The following NEDD4L variants were observed in gnomAD, a reference collection of about 807,000 sequenced individuals.
The protein encoded by NEDD4L is NEDD4 like E3 ubiquitin protein ligase.
In NEDD4L, 54 loss-of-function variants were observed where a neutral mutation model predicts 148.9. That is an observed-to-expected ratio of 0.36 (90% confidence interval 0.29 to 0.45). The LOEUF (loss-of-function observed/expected upper bound fraction) is 0.45, where lower values mean the gene tolerates loss of function less well. NEDD4L is among the 20% of genes least tolerant of loss of function. The probability of loss-of-function intolerance (pLI) is 1.00; values close to 1 mark genes in which losing one functional copy is unlikely to be tolerated. For missense variants in NEDD4L, 856 were observed against 1,233.8 expected (o/e 0.69, Z 4.59); for synonymous variants, 433 against 440.7 (o/e 0.98, Z 0.22).
At chr18:58,281,225 G>T (rs903312867) in intron 5 of NEDD4L, among the ~76,000 whole-genome samples, 1 of 151,866 alleles carries the variant, frequency 6.6e-6, no homozygotes, top group African/African-American at 2.4e-5. Flanking sequence ...CAATCATCCT[G>T]CCCTGGCCTC....
chr18:58,301,548 C>T (rs1385062932), intron 5 of NEDD4L, among the ~76,000 whole-genome samples: 1 of 152,316 alleles, frequency 6.6e-6, no homozygotes, highest in East Asian at 1.9e-4. Context: ...TGCATATCTT[C>T]ATGATTCCTC....
At chr18:58,204,056 G>A (rs2041724398) in intron 2 of NEDD4L, among the ~76,000 whole-genome samples, 1 of 152,200 alleles carries the variant, frequency 6.6e-6, no homozygotes, top group Non-Finnish European at 1.5e-5. Flanking sequence ...GCCGGGCGTG[G>A]TGGCTGACGC....
chr18:58,204,530 T>C (rs1231549363), intron 2 of NEDD4L, among the ~76,000 whole-genome samples: 1 of 152,236 alleles, frequency 6.6e-6, no homozygotes, highest in Non-Finnish European at 1.5e-5. Context: ...TACAGTCTAA[T>C]AGAAACCTTG....
rs2043609097 is a variant in NEDD4L, at chr18:58,349,632, A to T, written c.1653+18A>T. 1 of 1,580,368 alleles carries T rather than the reference A, an allele frequency of 6.3e-7. No individual in the cohort carries two copies. Among genetic ancestry groups the T allele is most frequent in the Non-Finnish European group, 8.7e-7 (1 of 1,149,256 alleles). On this transcript the variant is annotated intron_variant, in intron 17 of 30. Transcript: ENST00000400345. ...CCCTTCCTGTGAGTACACTGGAGAC[A>T]CATGGAATGGTCTGAATATGTGTGT...
chr18:58,331,674 G>A (rs2059799005), intron 11 of NEDD4L, among the ~76,000 whole-genome samples: 2 of 152,124 alleles, frequency 1.3e-5, no homozygotes, highest in South Asian at 4.1e-4. Context: ...TGAAGTCTCA[G>A]TGTTTCTCAA....
chr18:58,253,883 G>T (rs1338682335), intron 5 of NEDD4L, among the ~76,000 whole-genome samples: 1 of 151,982 alleles, frequency 6.6e-6, no homozygotes, highest in East Asian at 1.9e-4. Flanking sequence ...AAGAAATCTT[G>T]TATGAATACA....
intron 1 of NEDD4L, among the ~76,000 whole-genome samples, chr18:58,057,122 A>C (rs374210096): frequency 6.6e-6 from 1 of 151,982 alleles, no homozygotes; most frequent in Non-Finnish European, 1.5e-5. Context: ...CACACCTTGG[A>C]TAATCCATCC....
At chr18:58,374,376 G>A (rs2047269884) in intron 24 of NEDD4L, among the ~76,000 whole-genome samples, 1 of 152,106 alleles carries the variant, frequency 6.6e-6, no homozygotes, top group Admixed American at 6.5e-5. Context: ...AGGACTTCAG[G>A]CACCAGAGGC....
At chr18:58,048,113 C>T (rs982818928) in intron 1 of NEDD4L, among the ~76,000 whole-genome samples, 6 of 152,184 alleles carry the variant, frequency 3.9e-5, no homozygotes, top group African/African-American at 1.4e-4. Flanking sequence ...TTGAATGCCT[C>T]TTCTATACCA....
At chr18:58,310,741 A>G (rs1482669758) in intron 5 of NEDD4L, among the ~76,000 whole-genome samples, 1 of 152,214 alleles carries the variant, frequency 6.6e-6, no homozygotes, top group Non-Finnish European at 1.5e-5. Context: ...TTTTCTCTGT[A>G]ATGCCAAAGC....
intron 5 of NEDD4L, among the ~76,000 whole-genome samples, chr18:58,260,326 T>C (rs1035492570): frequency 1.3e-5 from 2 of 152,228 alleles, no homozygotes; most frequent in African/African-American, 4.8e-5. Flanking sequence ...TAAACCAATA[T>C]ATATCTTCAA....
At chr18:58,327,183 C>G (rs138964800) in intron 9 of NEDD4L, among the ~76,000 whole-genome samples, 49 of 152,244 alleles carry the variant, frequency 3.2e-4, no homozygotes, top group Non-Finnish European at 6.3e-4. Context: ...CTGCAACCTC[C>G]GCCTCCCAGG....
At chr18:58,087,092 T>C (rs2145218789) in intron 1 of NEDD4L, among the ~76,000 whole-genome samples, 1 of 152,350 alleles carries the variant, frequency 6.6e-6, no homozygotes. Context: ...CTTAGGGCCT[T>C]TGGTTTGCCA....
intron 1 of NEDD4L, among the ~76,000 whole-genome samples, chr18:58,103,277 T>C (rs2084879317): frequency 7.0e-6 from 1 of 143,738 alleles, no homozygotes; most frequent in Non-Finnish European, 1.5e-5. Context: ...ATTATAATTA[T>C]ATATAATATA....
rs2059197721 is a variant in NEDD4L, at chr18:58,325,158, C to G, written c.676C>G (p.Leu226Val). 6.2e-7 allele frequency: 1 copy of G among 1,613,736 alleles called. No homozygotes were observed. Among genetic ancestry groups the G allele is most frequent in the African/African-American group, 1.3e-5 (1 of 74,950 alleles). ...NRTTQWHRPS[L>V]MDVSSESDNN... Reference sequence around the variant, plus strand: ...GACCACTCAGTGGCACAGACCAAGCCTGATGTGAGTACCGTGTGATGGTCA... The same window carrying G: ...GACCACTCAGTGGCACAGACCAAGCGTGATGTGAGTACCGTGTGATGGTCA... The change falls in exon 9 of 31, where the codon CTG becomes GTG. Residue 226 changes from leucine to valine, a missense_variant. Coordinates refer to ENST00000400345, the MANE Select transcript of NEDD4L (RefSeq NM_001144967.3).
intron 2 of NEDD4L, 61 bp from the exon 3 acceptor site, chr18:58,245,366 C>A: frequency 1.3e-6 from 1 of 782,958 alleles, no homozygotes; most frequent in Non-Finnish European, 2.1e-6. Context: ...ATTTAGGTTC[C>A]ACTGTTTTCT....
intron 1 of NEDD4L, among the ~76,000 whole-genome samples, chr18:58,126,213 G>A (rs981698915): frequency 2.7e-4 from 41 of 152,216 alleles, no homozygotes; most frequent in African/African-American, 9.9e-4. Flanking sequence ...TCACACACAT[G>A]TGCAGACATC....
At chr18:58,233,288 G>A (rs930457344) in intron 2 of NEDD4L, among the ~76,000 whole-genome samples, 7 of 152,230 alleles carry the variant, frequency 4.6e-5, no homozygotes, top group Non-Finnish European at 7.3e-5. Flanking sequence ...TGCTGGTAAA[G>A]ACATACCCAA....
intron 1 of NEDD4L, among the ~76,000 whole-genome samples, chr18:58,068,994 G>A (rs999020028): frequency 1.3e-5 from 2 of 152,062 alleles, no homozygotes; most frequent in Admixed American, 1.3e-4. Flanking sequence ...AAAATTAGCT[G>A]GGTGTGATGA....
Sources: gnomAD v4.1 joint callset for allele counts (sites outside exome capture counted in the v4.1 genomes callset) on GRCh38, gnomAD v4.1.1 for gene constraint, MANE v1.5 for transcripts, NCBI Gene and HGNC (gene_info 2026-07-23, HGNC 2026-07-21) for gene names.